Variants in RIMBP2 observed in about 807,000 individuals in gnomAD.
RIMBP2 encodes the protein RIMS binding protein 2.
RIMBP2 carries 48 observed loss-of-function variants against 118.6 expected under a neutral mutation model. The observed-to-expected ratio is 0.40, with a 90% CI of 0.32 to 0.51. RIMBP2 has a LOEUF of 0.51. Among genes scored for constraint, RIMBP2 ranks in the 20% least tolerant of loss-of-function variants. The probability of loss-of-function intolerance (pLI) is 0.41; values close to 1 mark genes in which losing one functional copy is unlikely to be tolerated. For missense variants in RIMBP2, 1,551 were observed against 1,768.3 expected (o/e 0.88, Z 2.20); for synonymous variants, 762 against 742.9 (o/e 1.03, Z -0.42).
At chr12:130,489,306 CACA>C (rs1442383873) in intron 4 of RIMBP2, among the ~76,000 whole-genome samples, 2 of 152,122 alleles carry the variant, frequency 1.3e-5, no homozygotes, top group Non-Finnish European at 2.9e-5. Context: ...GATGGAATCC[CACA>C]ACATCTTGGC....
chr12:130,509,051 C>G (rs2050642281), intron 3 of RIMBP2, among the ~76,000 whole-genome samples: 1 of 152,220 alleles, frequency 6.6e-6, no homozygotes, highest in African/African-American at 2.4e-5. Flanking sequence ...CCCCCGGCCC[C>G]CGGCCCTCCC....
At chr12:130,441,392 C>T (rs2078108904) in intron 11 of RIMBP2, among the ~76,000 whole-genome samples, 1 of 125,034 alleles carries the variant, frequency 8.0e-6, no homozygotes, top group Non-Finnish European at 1.7e-5. Flanking sequence ...CAGAGCGAGA[C>T]TCCATCTCAA....
intron 5 of RIMBP2, chr12:130,471,945 G>C (rs2081046040): frequency 6.5e-6 from 1 of 153,274 alleles, no homozygotes; most frequent in Non-Finnish European, 1.5e-5. Flanking sequence ...GCCTCTGCCT[G>C]AGAATGCTGC....
chr12:130,618,634 AC>A (rs1294823273), intron 2 of RIMBP2, among the ~76,000 whole-genome samples: 1 of 152,172 alleles, frequency 6.6e-6, no homozygotes, highest in Non-Finnish European at 1.5e-5. Flanking sequence ...CCACACCTGA[AC>A]AAGCATCCTG....
chr12:130,420,142 T>C lies in RIMBP2; in HGVS notation c.3238+2311A>G, dbSNP rs2076325354. Among the ~76,000 whole-genome samples, 1 of 152,224 alleles carries C rather than the reference T, an allele frequency of 6.6e-6. No homozygotes were observed. Among genetic ancestry groups the C allele is most frequent in the African/African-American group, 2.4e-5 (1 of 41,460 alleles). On this transcript the variant is annotated intron_variant, in intron 17 of 22. Transcript: ENST00000690449. This position sits in a 1 kb window ranked among gnomAD's most constrained non-coding sequence, Gnocchi z 4.3. ...GAGGAATATCCTGTCTGTTCAGCTGTCACTGATGTTCATTTCCCAAAGCTC... is the reference window on the plus strand; with the variant it reads ...GAGGAATATCCTGTCTGTTCAGCTGCCACTGATGTTCATTTCCCAAAGCTC...
chr12:130,636,299 T>C (rs931371), intron 1 of RIMBP2, among the ~76,000 whole-genome samples: 91,859 of 152,076 alleles, frequency 0.6, 28,598 homozygotes, highest in Admixed American at 0.68. Context: ...CTGGCACTCT[T>C]GAGCACCACA....
intron 5 of RIMBP2, 146 bp from the exon 6 acceptor site, chr12:130,470,889 T>C (rs964309402): frequency 2.2e-6 from 1 of 449,896 alleles, no homozygotes; most frequent in African/African-American, 2.0e-5. Context: ...CATTCATTAT[T>C]TAACTTTTAT....
At chr12:130,663,799 T>C (rs891111157) in intron 1 of RIMBP2, among the ~76,000 whole-genome samples, 3 of 151,784 alleles carry the variant, frequency 2.0e-5, no homozygotes, top group Admixed American at 2.0e-4. Flanking sequence ...GAATTTACCC[T>C]CAAGACAACA....
At chr12:130,625,139 T>C (rs1437198969) in intron 2 of RIMBP2, among the ~76,000 whole-genome samples, 1 of 152,240 alleles carries the variant, frequency 6.6e-6, no homozygotes, top group Non-Finnish European at 1.5e-5. Context: ...TTAGGATATT[T>C]ATTACATTAA....
chr12:130,657,542 A>AG (rs560340025), intron 1 of RIMBP2, among the ~76,000 whole-genome samples: 130 of 152,364 alleles, frequency 8.5e-4, no homozygotes, highest in African/African-American at 3.1e-3. Context: ...AGACAGAGAA[A>AG]GATCCATCGT....
intron 2 of RIMBP2, among the ~76,000 whole-genome samples, chr12:130,569,219 C>G (rs2057450410): frequency 6.6e-6 from 1 of 152,212 alleles, no homozygotes; most frequent in Admixed American, 6.5e-5. Flanking sequence ...CGTGTCACCA[C>G]ATGAACAGCA....
chr12:130,610,793 C>T (rs2060493580), intron 2 of RIMBP2, among the ~76,000 whole-genome samples: 1 of 151,824 alleles, frequency 6.6e-6, no homozygotes, highest in South Asian at 2.1e-4. Context: ...ATCTCCTGAC[C>T]TCGTGATCCG....
chr12:130,664,928 A>G (rs1347177785), intron 1 of RIMBP2, among the ~76,000 whole-genome samples: 3 of 151,896 alleles, frequency 2.0e-5, no homozygotes, highest in East Asian at 3.9e-4. Context: ...GAGGGACAAC[A>G]GGAAAACTGC....
rs1174510025 is a variant in RIMBP2 at position 130,695,972 on chromosome 12, A to T, written c.-352+20250T>A. On this transcript the variant is annotated intron_variant, in intron 1 of 22. Coordinates refer to ENST00000690449, the MANE Select transcript of RIMBP2 (RefSeq NM_001393629.1). ...ATGAAGACCCCTGGAGGAGGAGTAC[A>T]TTTATGGGAGTAAGAAATTGCAAGT... is the stretch of plus-strand genomic sequence containing the variant. Among the ~76,000 whole-genome samples, 3 of 152,054 alleles carry T rather than the reference A, an allele frequency of 2.0e-5. No homozygotes were observed. In the East Asian group the frequency reaches 5.8e-4, roughly 29 times the overall value.
chr12:130,415,362 A>T (rs923290384), intron 17 of RIMBP2, among the ~76,000 whole-genome samples: 1 of 152,168 alleles, frequency 6.6e-6, no homozygotes, highest in African/African-American at 2.4e-5. Context: ...CTTCATGATT[A>T]AAAAAACCCT....
At chr12:130,495,193 G>A (rs1473058350) in intron 4 of RIMBP2, among the ~76,000 whole-genome samples, 1 of 152,184 alleles carries the variant, frequency 6.6e-6, no homozygotes, top group African/African-American at 2.4e-5. Context: ...GTCATTTGGG[G>A]GAACACAGCT....
chr12:130,615,461 C>CCACCA, intron 2 of RIMBP2, among the ~76,000 whole-genome samples: 1 of 151,700 alleles, frequency 6.6e-6, no homozygotes. Context: ...CAGGCACCTG[C>CCACCA]CACCACACCT....
chr12:130,639,241 T>C (rs886545149), intron 1 of RIMBP2, among the ~76,000 whole-genome samples: 1 of 151,184 alleles, frequency 6.6e-6, no homozygotes, highest in African/African-American at 2.4e-5. Flanking sequence ...ATACAAAAAT[T>C]AGCCGGGCAT....
At chr12:130,600,203 A>G (rs1157803513) in intron 2 of RIMBP2, among the ~76,000 whole-genome samples, 1 of 152,346 alleles carries the variant, frequency 6.6e-6, no homozygotes, top group Non-Finnish European at 1.5e-5. Flanking sequence ...GAGCAGGAGC[A>G]CTGCCATCTT....
Sources: allele counts gnomAD v4.1 joint callset (sites outside exome capture counted in the v4.1 genomes callset), GRCh38; gene constraint gnomAD v4.1.1; non-coding constraint Gnocchi (gnomAD v3.1); transcripts MANE v1.5; gene names NCBI Gene and HGNC (gene_info 2026-07-23, HGNC 2026-07-21).